PLCZ1: variants seen among roughly 807,000 people sequenced by gnomAD.
PLCZ1 encodes 1-phosphatidylinositol 4,5-bisphosphate phosphodiesterase zeta-1.
PLCZ1 carries 64 observed loss-of-function variants against 76.8 expected under a neutral mutation model. That is an observed-to-expected ratio of 0.83 (90% CI 0.68 to 1.03). The LOEUF (loss-of-function observed/expected upper bound fraction) is 1.03, where lower values mean the gene tolerates loss of function less well. PLCZ1 is among the 50% of genes least tolerant of loss of function. PLCZ1 has a pLI of 0.00. For missense variants in PLCZ1, 751 were observed against 713.7 expected, an observed-to-expected ratio of 1.05 and a Z score of -0.60; for synonymous variants, 248 against 230.8, an observed-to-expected ratio of 1.07 and a Z score of -0.68.
chr12:18,699,955 A>G lies in PLCZ1; in HGVS notation c.1018-5T>C, dbSNP rs201868854. The G allele has an allele frequency of 4.4e-6, 7 of 1,606,264 alleles. No individual in the cohort carries two copies. The Admixed American group carries it at 1.2e-4, about 27-fold the overall frequency. ...AGCAATTTTTAGCTTCCTGGTCTAA[A>G]AATAAAATGCAGTAATTTTACATTT... On this transcript the variant is annotated splice_polypyrimidine_tract_variant and splice_region_variant and intron_variant, in intron 9 of 14. Transcript: ENST00000266505.
chr12:18,710,132 T>C (rs1279154853), intron 6 of PLCZ1, among the ~76,000 whole-genome samples: 1 of 150,264 alleles, frequency 6.7e-6, no homozygotes, highest in Non-Finnish European at 1.5e-5. Context: ...TTTCTTCCTA[T>C]TGGAAATAAT....
chr12:18,653,478 C>G, the PLCZ1 span, among the ~76,000 whole-genome samples: 662 of 152,254 alleles, frequency 4.3e-3, 5 homozygotes, highest in Non-Finnish European at 6.7e-3. Context: ...TGACTGAATT[C>G]AAAATGTGTT....
chr12:18,650,347 A>ATGTGTGTGTG, the PLCZ1 span, among the ~76,000 whole-genome samples: 10 of 114,532 alleles, frequency 8.7e-5, no homozygotes, highest in African/African-American at 3.3e-4. Context: ...ATATATATAT[A>ATGTGTGTGTG]TGTGTGTGTG....
At chr12:18,652,120 G>A in the PLCZ1 span, among the ~76,000 whole-genome samples, 5 of 152,038 alleles carry the variant, frequency 3.3e-5, 1 homozygote, top group South Asian at 6.2e-4. Context: ...AAATTGATAG[G>A]TTGAAGTCCT....
intron 12 of PLCZ1, chr12:18,693,440 G>A: frequency 6.2e-7 from 1 of 1,604,966 alleles, no homozygotes; most frequent in Non-Finnish European, 8.5e-7. Flanking sequence ...CTCCAAGGGG[G>A]TCATTCTCTG....
rs541430510 is a variant in PLCZ1, at chr12:18,699,968, T to C, written c.1018-18A>G. ...TTCCTGGTCTAAAAATAAAATGCAGTAATTTTACATTTTTATGCTAATCAT... is the reference window on the plus strand; with the variant it reads ...TTCCTGGTCTAAAAATAAAATGCAGCAATTTTACATTTTTATGCTAATCAT... On this transcript the variant is annotated intron_variant, in intron 9 of 14. Transcript: ENST00000266505. 6.3e-7 allele frequency: 1 copy of C among 1,599,490 alleles called. No homozygotes were observed. Among genetic ancestry groups the C allele is most frequent in the Non-Finnish European group, 8.5e-7 (1 of 1,171,556 alleles).
the PLCZ1 span, among the ~76,000 whole-genome samples, chr12:18,669,023 ATAG>A: frequency 6.6e-6 from 1 of 152,158 alleles, no homozygotes; most frequent in African/African-American, 2.4e-5. Context: ...AGTGCAGAAA[ATAG>A]TAATAATAAT....
At chr12:18,705,068 T>C in intron 7 of PLCZ1, 98 bp downstream of exon 7, 1 of 1,461,778 alleles carries the variant, frequency 6.8e-7, no homozygotes, top group Non-Finnish European at 9.6e-7. Context: ...AACTAAGCAT[T>C]TTCATTGGTC....
At chr12:18,705,597 G>T (rs184311369) in intron 6 of PLCZ1, among the ~76,000 whole-genome samples, 2 of 152,246 alleles carry the variant, frequency 1.3e-5, no homozygotes, top group East Asian at 3.9e-4. Flanking sequence ...CAGGCTCAGT[G>T]GCTCACAACT....
At chr12:18,725,449 A>G (rs1958697798) in intron 3 of PLCZ1, among the ~76,000 whole-genome samples, 1 of 152,184 alleles carries the variant, frequency 6.6e-6, no homozygotes, top group African/African-American at 2.4e-5. Flanking sequence ...AGGATTTTTA[A>G]CTAACTCTAA....
At chr12:18,692,139 G>A (rs767188306) in intron 12 of PLCZ1, among the ~76,000 whole-genome samples, 14 of 152,134 alleles carry the variant, frequency 9.2e-5, no homozygotes, top group Non-Finnish European at 1.5e-4. Context: ...GCAGAGGAGC[G>A]CTCAGCAGCT....
At chr12:18,726,519 A>C (rs910079970) in intron 3 of PLCZ1, among the ~76,000 whole-genome samples, 1 of 152,166 alleles carries the variant, frequency 6.6e-6, no homozygotes, top group Non-Finnish European at 1.5e-5. Context: ...GAGGAGCTTA[A>C]TTACTATACG....
chr12:18,696,073 C>A, intron 11 of PLCZ1, 77 bp downstream of exon 11: 3 of 809,496 alleles, frequency 3.7e-6, no homozygotes, highest in South Asian at 3.0e-5. Flanking sequence ...GCCCTTTTCA[C>A]GAGTTTTTCA....
the PLCZ1 span, among the ~76,000 whole-genome samples, chr12:18,647,044 A>G: frequency 6.6e-6 from 1 of 151,986 alleles, no homozygotes; most frequent in Non-Finnish European, 1.5e-5. Context: ...TTGTCTCCCA[A>G]TGGTGAAAAT....
chr12:18,717,882 G>A (rs1436362566), intron 5 of PLCZ1, among the ~76,000 whole-genome samples: 7 of 152,088 alleles, frequency 4.6e-5, no homozygotes, highest in Admixed American at 6.5e-5. Context: ...AGTGGAAATC[G>A]CATTTCGAAT....
Position 18,723,465 on chromosome 12 carries a change from T to C in PLCZ1, c.213A>G (p.Glu71=). The stretch of plus-strand genomic sequence containing the variant: ...ATGTGTTGAAAATCTCAATAATTTC[T>C]TCTCTGTGCGTGATAATTCGATAAA... ...RAIYRIITHR[E]EIIEIFNTYS... Residue 71 remains glutamate (E), a synonymous_variant, in exon 4 of 15, where the codon GAA becomes GAG. Transcript: ENST00000266505. The C allele has an allele frequency of 6.2e-7, 1 of 1,613,134 alleles. No individual in the cohort carries two copies. The highest frequency in any genetic ancestry group is 8.5e-7 in the Non-Finnish European group (1 of 1,179,486).
chr12:18,650,357 G>A, the PLCZ1 span, among the ~76,000 whole-genome samples: 20,049 of 138,300 alleles, frequency 0.14, 1,940 homozygotes, highest in African/African-American at 0.25. Flanking sequence ...ATGTGTGTGT[G>A]TGTGTGTGTG....
downstream of PLCZ1, among the ~76,000 whole-genome samples, chr12:18,682,234 A>C (rs527453690): frequency 6.6e-6 from 1 of 152,184 alleles, no homozygotes; most frequent in Admixed American, 6.6e-5. Flanking sequence ...CTGAGAGTAA[A>C]CCATGATAAT....
chr12:18,650,688 G>GTA, the PLCZ1 span, among the ~76,000 whole-genome samples: 1 of 40,256 alleles, frequency 2.5e-5, no homozygotes, highest in Non-Finnish European at 3.8e-5. Flanking sequence ...GTGTGTGTGT[G>GTA]TGTGTGTGTG....
Sources: gnomAD v4.1 joint callset for allele counts (sites outside exome capture counted in the v4.1 genomes callset) on GRCh38, gnomAD v4.1.1 for gene constraint, MANE v1.5 for transcripts, NCBI Gene and HGNC (gene_info 2026-07-23, HGNC 2026-07-21) for gene names.